The following KDM1B variants were observed in gnomAD, a reference collection of about 807,000 sequenced individuals.
The protein encoded by KDM1B is lysine demethylase 1B.
Under a neutral mutation model 107.4 loss-of-function variants are expected in KDM1B, and 63 were observed. That is an observed-to-expected ratio of 0.59 (90% CI 0.48 to 0.72). The LOEUF is 0.72. Ranked by LOEUF, KDM1B falls within the 30% of genes least tolerant of loss-of-function variation. The probability of loss-of-function intolerance (pLI) is 0.00; values close to 1 mark genes in which losing one functional copy is unlikely to be tolerated. For synonymous variants in KDM1B, 363 were observed against 363.9 expected (o/e 1.00, Z 0.03); for missense variants, 749 against 1,020.8 (o/e 0.73, Z 3.63).
chr6:18,207,902 A>G (rs897220834), intron 16 of KDM1B, among the ~76,000 whole-genome samples: 3 of 152,194 alleles, frequency 2.0e-5, no homozygotes, highest in Admixed American at 6.5e-5. Context: ...CCTTCACACC[A>G]TATTATAACT....
chr6:18,198,430 T>C (rs1787796535), intron 12 of KDM1B, among the ~76,000 whole-genome samples: 1 of 151,744 alleles, frequency 6.6e-6, no homozygotes, highest in Middle Eastern at 3.4e-3. Flanking sequence ...GATTTCACCA[T>C]GTTGGCAAGG....
intron 5 of KDM1B, among the ~76,000 whole-genome samples, chr6:18,163,127 C>T (rs977751259): frequency 4.1e-5 from 6 of 147,694 alleles, no homozygotes; most frequent in African/African-American, 1.5e-4. Flanking sequence ...ACTCAGGGAT[C>T]AAAAAATATC....
intron 17 of KDM1B, among the ~76,000 whole-genome samples, chr6:18,208,599 G>GTGTGTA (rs1561949321): frequency 2.5e-5 from 1 of 40,692 alleles, no homozygotes; most frequent in African/African-American, 1.1e-4. Context: ...AGAAGTATGT[G>GTGTGTA]TATGTATATA....
chr6:18,215,279 C>T, intron 20 of KDM1B, 150 bp downstream of exon 20: 1 of 877,018 alleles, frequency 1.1e-6, no homozygotes, highest in Non-Finnish European at 1.7e-6. Flanking sequence ...CTGCCCACCT[C>T]AGCACTGAGA....
intron 7 of KDM1B, among the ~76,000 whole-genome samples, chr6:18,177,478 T>G (rs1392985786): frequency 4.6e-5 from 7 of 151,854 alleles, no homozygotes; most frequent in Non-Finnish European, 1.5e-5. Context: ...TGATCTCGGT[T>G]ATTTCCTTTC....
At chr6:18,156,866 G>A (rs536983352) in intron 2 of KDM1B, among the ~76,000 whole-genome samples, 1 of 152,106 alleles carries the variant, frequency 6.6e-6, no homozygotes, top group African/African-American at 2.4e-5. Context: ...GTAGTGAGCC[G>A]AGATCGCACC....
At chr6:18,190,556 C>T (rs755071610) in intron 9 of KDM1B, among the ~76,000 whole-genome samples, 39 of 151,192 alleles carry the variant, frequency 2.6e-4, no homozygotes, top group African/African-American at 7.6e-4. Flanking sequence ...GAGCCGAGAT[C>T]GCGCCACTGA....
In KDM1B at chr6:18,213,354, C is replaced by T. The variant is rs1001430340; in HGVS notation, c.1984-302C>T. Among the ~76,000 whole-genome samples the T allele has an allele frequency of 2.0e-5, 3 of 151,364 alleles. No individual in the cohort carries two copies. The highest frequency in any genetic ancestry group is 2.1e-4 in the South Asian group (1 of 4,802). ...GGGATGCTGAGGCAGGAGAATCACT[C>T]GAAACCGGAAAGTGGAGGCTGCAGT... is the stretch of plus-strand genomic sequence containing the variant. On this transcript the variant is annotated intron_variant, in intron 18 of 21. Transcript: ENST00000650836. The surrounding 1 kb of genome is among the most constrained non-coding windows in gnomAD (Gnocchi z 5.9).
At position 18,191,219 on chromosome 6, in the gene KDM1B, C is replaced by T. The variant is rs1241887275; in HGVS notation, c.807C>T (p.Phe269=). The stretch of plus-strand genomic sequence containing the variant: ...CAGTTCCAGGCATGAACCGATACTT[C>T]CAGCCTTTCTACCAGCCCAATGAGT... The part of the protein sequence containing the change: ...SVHVPGMNRY[F]QPFYQPNECG... Residue 269 remains phenylalanine (F), a synonymous_variant, in exon 10 of 22, where the codon TTC becomes TTT. Coordinates refer to ENST00000650836, the MANE Select transcript of KDM1B (RefSeq NM_001364614.2). The surrounding 1 kb of genome is among the most constrained non-coding windows in gnomAD (Gnocchi z 5.1). 1.9e-6 allele frequency: 3 copies of T among 1,550,584 alleles called. No homozygotes were observed. The highest frequency in any genetic ancestry group is 2.6e-6 in the Non-Finnish European group (3 of 1,147,008).
In KDM1B at chr6:18,197,129, G is replaced by A; in HGVS notation, c.1042G>A (p.Glu348Lys). 1 of 1,614,034 alleles carries A rather than the reference G, an allele frequency of 6.2e-7. No homozygotes were observed. The highest frequency in any genetic ancestry group is 8.5e-7 in the Non-Finnish European group (1 of 1,179,962). The change falls in exon 11 of 22, where the codon GAA becomes AAA. Residue 348 changes from glutamate to lysine, a missense_variant. Coordinates refer to ENST00000650836, the MANE Select transcript of KDM1B (RefSeq NM_001364614.2). This position sits in a 1 kb window ranked among gnomAD's most constrained non-coding sequence, Gnocchi z 4.5. ...RGLVRIRCVQ[E>K]VERILYFMTR... ...TCTCGTGCGTATTCGATGCGTTCAG[G>A]AAGTGGAGAGAATACTGTATTTTAT...
chr6:18,217,434 A>T (rs1789329648), intron 20 of KDM1B, among the ~76,000 whole-genome samples: 2 of 144,578 alleles, frequency 1.4e-5, no homozygotes, highest in South Asian at 2.2e-4. Flanking sequence ...GCTGGAGTGC[A>T]GTGGCGCGAT....
rs1201259424 is a variant in KDM1B at position 18,212,353 on chromosome 6, A to G, written c.1867-135A>G. On this transcript the variant is annotated intron_variant, in intron 17 of 21. Coordinates refer to ENST00000650836, the MANE Select transcript of KDM1B (RefSeq NM_001364614.2). This position sits in a 1 kb window ranked among gnomAD's most constrained non-coding sequence, Gnocchi z 5.2. ...TAGCCAGGCATTGGCACCCTTGTGC[A>G]GTGAGCAACCTGCACAGTTGCACAT... The G allele has an allele frequency of 8.4e-6, 6 of 718,364 alleles. No individual in the cohort carries two copies. The East Asian group carries it at 1.5e-4, about 18-fold the overall frequency. The allele number at this position is 718,364 out of a possible 1,614,324, so 44.5% of individuals were successfully genotyped here.
At chr6:18,181,606 C>G (rs1254478759) in intron 7 of KDM1B, among the ~76,000 whole-genome samples, 1 of 151,844 alleles carries the variant, frequency 6.6e-6, no homozygotes, top group Non-Finnish European at 1.5e-5. Flanking sequence ...ATTACCTGGG[C>G]CTGGTGACGC....
intron 5 of KDM1B, 83 bp downstream of exon 5, chr6:18,163,007 A>T (rs1052412555): frequency 8.6e-6 from 7 of 815,976 alleles, no homozygotes; most frequent in South Asian, 1.4e-5. Flanking sequence ...ATTAAAGCTT[A>T]GTCTCGAGGC....
intron 6 of KDM1B, among the ~76,000 whole-genome samples, chr6:18,170,706 C>T (rs1015286083): frequency 1.3e-5 from 2 of 152,072 alleles, no homozygotes; most frequent in Non-Finnish European, 1.5e-5. Context: ...TCTGGAACTC[C>T]TGGGCTCAAG....
Position 18,213,634 on chromosome 6 carries a change from CT to C in KDM1B, c.1984-19del. On this transcript the variant is annotated intron_variant, in intron 18 of 21. Coordinates refer to ENST00000650836, the MANE Select transcript of KDM1B (RefSeq NM_001364614.2). This position sits in a 1 kb window ranked among gnomAD's most constrained non-coding sequence, Gnocchi z 5.9. ...TTTGTGACGACAGACACCTAACCAC[CT>C]TTCTTCTGCTCACTTTGCAGATTGC... is the stretch of plus-strand genomic sequence containing the variant. The C allele has an allele frequency of 6.2e-7, 1 of 1,613,736 alleles. No individual in the cohort carries two copies.
At chr6:18,160,049 A>C in intron 3 of KDM1B, 67 bp downstream of exon 3, 1 of 1,065,708 alleles carries the variant, frequency 9.4e-7, no homozygotes. Context: ...GGGACTGGAG[A>C]ATTAGAGTTG....
intron 7 of KDM1B, among the ~76,000 whole-genome samples, chr6:18,178,688 G>A (rs1321144355): frequency 2.0e-5 from 3 of 152,192 alleles, no homozygotes; most frequent in Middle Eastern, 3.2e-3. Context: ...ACTGCACCCA[G>A]CCAATAAAAT....
chr6:18,223,562 A>C lies in KDM1B; in HGVS notation c.*1570A>C, dbSNP rs1582240917. The C allele has an allele frequency of 6.6e-6, 1 of 152,294 alleles. No individual in the cohort carries two copies. Among genetic ancestry groups the C allele is most frequent in the South Asian group, 2.1e-4 (1 of 4,824 alleles). The allele number at this position is 152,294 out of a possible 1,614,324, so 9.4% of individuals were successfully genotyped here. A position where few individuals can be genotyped will look rare whatever the true frequency, so the allele number is the denominator to read the frequency against. On this transcript the variant is annotated 3_prime_UTR_variant, in exon 22 of 22. Coordinates refer to ENST00000650836, the MANE Select transcript of KDM1B (RefSeq NM_001364614.2). ...GTTAAGTTTGAAATGGTTAACAGTA[A>C]ATTATTATGTTAGTTTCCAGGCACT... is the stretch of plus-strand genomic sequence containing the variant.
Sources: gnomAD v4.1 joint callset for allele counts (sites outside exome capture counted in the v4.1 genomes callset) on GRCh38, gnomAD v4.1.1 for gene constraint, Gnocchi (gnomAD v3.1) non-coding constraint, MANE v1.5 for transcripts, NCBI Gene and HGNC (gene_info 2026-07-23, HGNC 2026-07-21) for gene names.